The following POLB variants were observed in gnomAD, a reference collection of about 807,000 sequenced individuals.
POLB encodes the protein DNA polymerase beta.
In POLB, 37 loss-of-function variants were observed where a neutral mutation model predicts 52.7. The observed-to-expected ratio is 0.70, with a 90% CI of 0.54 to 0.92. The LOEUF (loss-of-function observed/expected upper bound fraction) is 0.92, where lower values mean the gene tolerates loss of function less well. Among genes scored for constraint, POLB ranks in the 40% least tolerant of loss-of-function variants. POLB has a pLI of 0.00. For synonymous variants in POLB, 138 were observed against 131.3 expected (o/e 1.05, Z -0.35); for missense variants, 313 against 400.8 (o/e 0.78, Z 1.87).
chr8:42,369,490 A>G, intron 12 of POLB, 155 bp downstream of exon 12: 1 of 558,454 alleles, frequency 1.8e-6, no homozygotes, highest in Non-Finnish European at 3.2e-6. Context: ...TTTAGCTCCA[A>G]AGTATGTAAA....
chr8:42,371,426 T>A (rs79893094), intron 13 of POLB, 137 bp from the exon 14 acceptor site: 1 of 194,270 alleles, frequency 5.1e-6, no homozygotes, highest in Admixed American at 6.2e-5. Context: ...TCCGCCGGTC[T>A]TTTTTTTTTT....
At chr8:42,350,564 C>T (rs930402015) in intron 5 of POLB, among the ~76,000 whole-genome samples, 4 of 151,930 alleles carry the variant, frequency 2.6e-5, no homozygotes, top group African/African-American at 9.7e-5. Flanking sequence ...GGTGCACGCC[C>T]CCTTGCCCAG....
chr8:42,351,747 T>A (rs1490658721), intron 5 of POLB, among the ~76,000 whole-genome samples: 2 of 152,250 alleles, frequency 1.3e-5, no homozygotes, highest in African/African-American at 4.8e-5. Flanking sequence ...TCAGATTTTA[T>A]CATTGCTTTG....
At chr8:42,370,322 T>C in intron 13 of POLB, 1 of 376,698 alleles carries the variant, frequency 2.7e-6, no homozygotes, top group Non-Finnish European at 5.0e-6. Context: ...CCTGAAAAAC[T>C]CAAGTATCAT....
chr8:42,369,819 A>T, intron 12 of POLB, 30 bp from the exon 13 acceptor site: 1 of 1,510,670 alleles, frequency 6.6e-7, no homozygotes, highest in East Asian at 2.3e-5. Flanking sequence ...TGCATGGTAA[A>T]AAAATGTATC....
chr8:42,348,241 T>A (rs1212868096), intron 3 of POLB, among the ~76,000 whole-genome samples: 1 of 152,212 alleles, frequency 6.6e-6, no homozygotes, highest in Non-Finnish European at 1.5e-5. Flanking sequence ...ATCACCTGTA[T>A]GCCAGTCACT....
chr8:42,366,116 A>AT (rs1239283005), intron 11 of POLB, among the ~76,000 whole-genome samples: 1 of 151,636 alleles, frequency 6.6e-6, no homozygotes, highest in Non-Finnish European at 1.5e-5. Context: ...AAAAAAAAAA[A>AT]GGAAAAAGTA....
chr8:42,361,225 C>T, intron 9 of POLB, 70 bp from the exon 10 acceptor site: 1 of 1,009,956 alleles, frequency 9.9e-7, no homozygotes, highest in Non-Finnish European at 1.6e-6. Flanking sequence ...TGTGTGTCAT[C>T]AGCTTGGTTC....
At chr8:42,353,854 G>A (rs184849752) in intron 6 of POLB, among the ~76,000 whole-genome samples, 1 of 150,180 alleles carries the variant, frequency 6.7e-6, no homozygotes, top group East Asian at 1.9e-4. Context: ...AATAATATAT[G>A]TAAAGCACTT....
intron 6 of POLB, 59 bp from the exon 7 acceptor site, chr8:42,355,457 C>T (rs1396033025): frequency 1.1e-6 from 1 of 937,290 alleles, no homozygotes; most frequent in Non-Finnish European, 1.7e-6. Flanking sequence ...TTGAGTTTAG[C>T]ATTTTCCCCC....
chr8:42,355,576 G>A lies in POLB; in HGVS notation c.422+9G>A. 3 of 1,570,328 alleles carry A rather than the reference G, an allele frequency of 1.9e-6. No homozygotes were observed. The highest frequency in any genetic ancestry group is 8.8e-7 in the Non-Finnish European group (1 of 1,142,704). ...CAGCGAATTGGGCTGAAGTAAGATG[G>A]CAGATTTTCTTTTGACACTTGAGAT... On this transcript the variant is annotated intron_variant, in intron 7 of 13. Transcript: ENST00000265421.
intron 2 of POLB, 35 bp downstream of exon 2, chr8:42,339,104 T>C (rs758291252): frequency 2.1e-5 from 31 of 1,510,016 alleles, no homozygotes; most frequent in Middle Eastern, 1.7e-4. Flanking sequence ...TAGCATACGT[T>C]CTGGGATACC....
chr8:42,356,037 C>G (rs1402734925), intron 7 of POLB, among the ~76,000 whole-genome samples: 1 of 152,128 alleles, frequency 6.6e-6, no homozygotes, highest in East Asian at 1.9e-4. Context: ...GGAATAACTA[C>G]TAGGCATGTT....
At chr8:42,363,958 C>G (rs1468397707) in intron 11 of POLB, among the ~76,000 whole-genome samples, 1 of 140,500 alleles carries the variant, frequency 7.1e-6, no homozygotes, top group African/African-American at 2.7e-5. Flanking sequence ...AGGAGTTTCA[C>G]TCTTGTCACC....
intron 13 of POLB, among the ~76,000 whole-genome samples, chr8:42,370,742 G>T (rs1184226546): frequency 6.6e-6 from 1 of 152,132 alleles, no homozygotes; most frequent in Admixed American, 6.5e-5. Context: ...AAGAATAATT[G>T]TCTTGGGCTA....
chr8:42,349,880 G>T (rs770336406), intron 4 of POLB, 127 bp from the exon 5 acceptor site: 11 of 669,008 alleles, frequency 1.6e-5, no homozygotes, highest in Non-Finnish European at 2.9e-5. Context: ...GAATAATTTT[G>T]TGTGGGTCAC....
At position 42,362,630 on chromosome 8, in the gene POLB, G is replaced by C; in HGVS notation, c.640G>C (p.Val214Leu). 6.2e-7 allele frequency: 1 copy of C among 1,607,794 alleles called. No individual in the cohort carries two copies. The highest frequency in any genetic ancestry group is 8.5e-7 in the Non-Finnish European group (1 of 1,174,456). ...TCTACAGCCAAAACTGTTACATCAGGTTGTGGAGCAGTTACAAAAGGTTCA... is the reference window on the plus strand; with the variant it reads ...TCTACAGCCAAAACTGTTACATCAGCTTGTGGAGCAGTTACAAAAGGTTCA... Reference protein sequence around the residue: ...STKQPKLLHQVVEQLQKVHFI... With the variant: ...STKQPKLLHQLVEQLQKVHFI... The change falls in exon 11 of 14, where the codon GTT (valine) becomes CTT (leucine). Residue 214 changes from valine to leucine, a missense_variant. By Grantham distance (32) the Val-to-Leu change is conservative. Around this residue, in one of 3 missense-constraint regions of POLB, gnomAD observed 246 missense variants for 297.6 expected, o/e 0.83. Transcript: ENST00000265421.
In POLB at chr8:42,338,529, C is replaced by G. The variant is rs961115341; in HGVS notation, c.-96C>G. ...CGGTCGCGCCGGAGCTGGGTTGCTC[C>G]TGCTCCCGTCTCCAAGTCCTGGTAC... is the stretch of plus-strand genomic sequence containing the variant. On this transcript the variant is annotated 5_prime_UTR_variant, in exon 1 of 14. Transcript: ENST00000265421. 7 of 1,127,334 alleles carry G rather than the reference C, an allele frequency of 6.2e-6. No homozygotes were observed. The highest frequency in any genetic ancestry group is 9.5e-6 in the Non-Finnish European group (7 of 740,178). The allele number at this position is 1,127,334 out of a possible 1,614,324, so 69.8% of individuals were successfully genotyped here.
At chr8:42,363,634 A>G (rs2130845636) in intron 11 of POLB, among the ~76,000 whole-genome samples, 1 of 152,118 alleles carries the variant, frequency 6.6e-6, no homozygotes, top group Non-Finnish European at 1.5e-5. Context: ...TTTCCCTAAA[A>G]TAGCAAATGG....
Sources: gnomAD v4.1 joint callset for allele counts (sites outside exome capture counted in the v4.1 genomes callset) on GRCh38, gnomAD v4.1.1 for gene constraint, gnomAD v4.1.1 regional missense constraint, MANE v1.5 for transcripts, NCBI Gene and HGNC (gene_info 2026-07-23, HGNC 2026-07-21) for gene names.